The following THRB variants were observed in gnomAD, a reference collection of about 807,000 sequenced individuals.
THRB encodes the protein thyroid hormone receptor beta.
Under a neutral mutation model 47.8 loss-of-function variants are expected in THRB, and 12 were observed. The ratio of observed to expected loss-of-function variants is 0.25; its 90% CI spans 0.16 to 0.41. The LOEUF (loss-of-function observed/expected upper bound fraction) is 0.41, where lower values mean the gene tolerates loss of function less well. Ranked by LOEUF, THRB falls within the 10% of genes least tolerant of loss-of-function variation. The pLI, the probability that THRB is intolerant of heterozygous loss-of-function variation, is 1.00. For synonymous variants in THRB, 218 were observed against 212.2 expected, an observed-to-expected ratio of 1.03 and a Z score of -0.24; for missense variants, 348 against 589.2, an observed-to-expected ratio of 0.59 and a Z score of 4.24.
intron 1 of THRB, among the ~76,000 whole-genome samples, chr3:24,405,427 A>G (rs1198910222): frequency 6.6e-6 from 1 of 151,984 alleles, no homozygotes. Flanking sequence ...CAAAATCAAA[A>G]GTATTAACTA....
chr3:24,186,944 CAAA>C (rs71057655), intron 5 of THRB, among the ~76,000 whole-genome samples: 4,178 of 77,580 alleles, frequency 0.054, 70 homozygotes, highest in South Asian at 0.11. Flanking sequence ...GACTCCATTT[CAAA>C]AAAAAAAAAA....
intron 1 of THRB, among the ~76,000 whole-genome samples, chr3:24,418,333 T>G (rs1225663658): frequency 2.0e-5 from 3 of 151,802 alleles, no homozygotes; most frequent in African/African-American, 7.2e-5. Flanking sequence ...AAAAGACTTT[T>G]TTTTTTTGTC....
intron 4 of THRB, among the ~76,000 whole-genome samples, chr3:24,202,728 A>C (rs556074818): frequency 6.6e-6 from 1 of 152,202 alleles, no homozygotes; most frequent in Non-Finnish European, 1.5e-5. Flanking sequence ...ACTCACTACA[A>C]CAACATTGTG....
At chr3:24,279,750 C>G (rs900308517) in intron 3 of THRB, among the ~76,000 whole-genome samples, 2 of 152,010 alleles carry the variant, frequency 1.3e-5, no homozygotes, top group Admixed American at 6.6e-5. Context: ...TGTATTTCAT[C>G]CTCACATTGC....
At position 24,263,462 on chromosome 3, in the gene THRB, A is replaced by G. The variant is rs547011062; in HGVS notation, c.-43+33764T>C. Among the ~76,000 whole-genome samples the G allele has an allele frequency of 4.6e-5, 7 of 152,256 alleles. No individual in the cohort carries two copies. In the East Asian group the frequency reaches 1.4e-3, roughly 29 times the overall value. On this transcript the variant is annotated intron_variant, in intron 3 of 10. Coordinates refer to ENST00000646209, the MANE Select transcript of THRB (RefSeq NM_001354712.2). The stretch of plus-strand genomic sequence containing the variant: ...CTAAAGTCCACGCTTTTAAAATTAT[A>G]TTATGATGTCACCAATATGCATAAT...
chr3:24,447,651 T>C (rs2072229827), intron 1 of THRB, among the ~76,000 whole-genome samples: 1 of 152,100 alleles, frequency 6.6e-6, no homozygotes, highest in East Asian at 1.9e-4. Flanking sequence ...TAAAGTACTA[T>C]ATAGCAAAAC....
chr3:24,426,418 C>A (rs1399306183), intron 1 of THRB, among the ~76,000 whole-genome samples: 41 of 151,794 alleles, frequency 2.7e-4, no homozygotes, highest in Admixed American at 2.7e-3. Flanking sequence ...CATCAACTTG[C>A]TTTTTTGGTG....
chr3:24,164,744 A>G (rs2039405489), intron 5 of THRB, among the ~76,000 whole-genome samples: 1 of 152,208 alleles, frequency 6.6e-6, no homozygotes, highest in African/African-American at 2.4e-5. Context: ...TTCTTTCGCA[A>G]AGAAGCCAAC....
chr3:24,326,756 CTTTTTTTTTTTTTT>C (rs1174687260), intron 2 of THRB, among the ~76,000 whole-genome samples: 1 of 50,026 alleles, frequency 2.0e-5, no homozygotes, highest in Non-Finnish European at 3.4e-5. Flanking sequence ...CCAGTCTTGT[CTTTTTTTTTTTTTT>C]TTTTTTTTTT....
chr3:24,234,514 A>G (rs2048669727), intron 3 of THRB, among the ~76,000 whole-genome samples: 1 of 152,188 alleles, frequency 6.6e-6, no homozygotes, highest in Admixed American at 6.5e-5. Context: ...GAGGCTGAAG[A>G]GGAATCCATC....
At chr3:24,289,490 A>C (rs950314532) in intron 3 of THRB, among the ~76,000 whole-genome samples, 8 of 151,994 alleles carry the variant, frequency 5.3e-5, no homozygotes, top group South Asian at 2.1e-4. Flanking sequence ...ATCAGTGTCT[A>C]CTCATCCACT....
intron 1 of THRB, among the ~76,000 whole-genome samples, chr3:24,349,753 A>T (rs2063248165): frequency 6.6e-6 from 1 of 152,136 alleles, no homozygotes; most frequent in South Asian, 2.1e-4. Context: ...GAAAGATAAC[A>T]TATGGGAATA....
In THRB at chr3:24,385,065, G is replaced by T. The variant is rs147739593; in HGVS notation, c.-260-47694C>A. ...GAAGGTTAGGGAACTCTGCATTGAA[G>T]AAAGTATTTTTAATAAGAAAAACAA... On this transcript the variant is annotated intron_variant, in intron 1 of 10. Coordinates refer to ENST00000646209, the MANE Select transcript of THRB (RefSeq NM_001354712.2). 8.3e-4 allele frequency among the ~76,000 whole-genome samples: 127 copies of T among 152,192 alleles called. 1 individual carries two copies. The highest frequency in any genetic ancestry group is 3.0e-3 in the African/African-American group (124 of 41,556).
intron 2 of THRB, among the ~76,000 whole-genome samples, chr3:24,311,330 T>C (rs974289935): frequency 2.6e-5 from 4 of 152,178 alleles, no homozygotes; most frequent in African/African-American, 9.6e-5. Flanking sequence ...TGTGTATTAA[T>C]GAAAGAAGAA....
chr3:24,379,945 G>A (rs2065575518), intron 1 of THRB, among the ~76,000 whole-genome samples: 1 of 151,202 alleles, frequency 6.6e-6, no homozygotes, highest in African/African-American at 2.4e-5. Flanking sequence ...CTCTCCTCAT[G>A]TAGTAACTTT....
chr3:24,460,471 C>A (rs1024188624), intron 1 of THRB, among the ~76,000 whole-genome samples: 3 of 152,092 alleles, frequency 2.0e-5, no homozygotes, highest in African/African-American at 7.2e-5. Context: ...ATTTTTGAAC[C>A]AGATTTCTTT....
intron 2 of THRB, 37 bp from the exon 3 acceptor site, chr3:24,297,408 A>C (rs1036169388): frequency 1.3e-5 from 2 of 152,192 alleles, no homozygotes; most frequent in African/African-American, 4.8e-5. Flanking sequence ...GTGATCATCT[A>C]TTTCATTGTA....
chr3:24,127,421 A>G (rs2033069189), intron 10 of THRB, 78 bp downstream of exon 10: 3 of 1,513,750 alleles, frequency 2.0e-6, no homozygotes, highest in Non-Finnish European at 2.7e-6. Flanking sequence ...AGGGGGACTG[A>G]AAACTCAAGT....
At chr3:24,453,452 C>T (rs561899329) in intron 1 of THRB, among the ~76,000 whole-genome samples, 28 of 152,268 alleles carry the variant, frequency 1.8e-4, no homozygotes, top group African/African-American at 6.7e-4. Context: ...AAGATAATCC[C>T]CAATCCATTC....
Sources: gnomAD v4.1 joint callset for allele counts (sites outside exome capture counted in the v4.1 genomes callset) on GRCh38, gnomAD v4.1.1 for gene constraint, MANE v1.5 for transcripts, NCBI Gene and HGNC (gene_info 2026-07-23, HGNC 2026-07-21) for gene names.